AOX1: variants seen among roughly 807,000 people sequenced by gnomAD.
AOX1 encodes aldehyde oxidase.
Under a neutral mutation model 169.5 loss-of-function variants are expected in AOX1, and 153 were observed. The observed-to-expected ratio is 0.90, with a 90% confidence interval of 0.79 to 1.03. The LOEUF is 1.03. Among genes scored for constraint, AOX1 ranks in the 50% least tolerant of loss-of-function variants. The pLI is 0.00. For synonymous variants in AOX1, 562 were observed against 581.9 expected, an observed-to-expected ratio of 0.97 and a Z score of 0.49; for missense variants, 1,656 against 1,663.9, an observed-to-expected ratio of 1.00 and a Z score of 0.08.
At chr2:200,622,738 G>A (rs1451843706) in intron 18 of AOX1, among the ~76,000 whole-genome samples, 5 of 152,192 alleles carry the variant, frequency 3.3e-5, no homozygotes, top group African/African-American at 1.2e-4. Flanking sequence ...GGTCACAGGA[G>A]CAAAATCAGG....
intron 4 of AOX1, among the ~76,000 whole-genome samples, chr2:200,599,155 G>A (rs1430927899): frequency 1.3e-5 from 2 of 152,178 alleles, no homozygotes; most frequent in African/African-American, 4.8e-5. Flanking sequence ...AGAAATAAAA[G>A]CATTTTATTT....
At chr2:200,631,571 T>G (rs996199266) in intron 20 of AOX1, among the ~76,000 whole-genome samples, 2 of 152,158 alleles carry the variant, frequency 1.3e-5, no homozygotes, top group Non-Finnish European at 2.9e-5. Flanking sequence ...GGATAACATT[T>G]TATCTCAGGG....
At position 200,609,540 on chromosome 2, in the gene AOX1, T is replaced by C; in HGVS notation, c.1153+126T>C. On this transcript the variant is annotated intron_variant, in intron 12 of 34. Coordinates refer to ENST00000374700, the MANE Select transcript of AOX1 (RefSeq NM_001159.4). Reference sequence around the variant, plus strand: ...TAATATCAATACATTTCTCTGCTTTTCTGGATACTGGAAATTTTGTGAGTC... The same window carrying C: ...TAATATCAATACATTTCTCTGCTTTCCTGGATACTGGAAATTTTGTGAGTC... 3.9e-6 allele frequency: 3 copies of C among 761,132 alleles called. No homozygotes were observed. The South Asian group carries it at 5.3e-5, about 13-fold the overall frequency. The allele number at this position is 761,132 out of a possible 1,614,324, so 47.1% of individuals were successfully genotyped here. A position where few individuals can be genotyped will look rare whatever the true frequency, so the allele number is the denominator to read the frequency against.
intron 20 of AOX1, among the ~76,000 whole-genome samples, chr2:200,629,930 A>G (rs1047657568): frequency 1.3e-5 from 2 of 152,158 alleles, no homozygotes; most frequent in African/African-American, 4.8e-5. Flanking sequence ...CGGGAATATT[A>G]AAAAGGACAT....
intron 1 of AOX1, among the ~76,000 whole-genome samples, chr2:200,591,282 GT>G (rs914579136): frequency 2.7e-4 from 41 of 152,312 alleles, no homozygotes; most frequent in African/African-American, 9.4e-4. Flanking sequence ...TGTAAAAAGT[GT>G]CATAAAAGAA....
intron 14 of AOX1, 73 bp from the exon 15 acceptor site, chr2:200,613,731 G>T: frequency 7.1e-7 from 1 of 1,414,880 alleles, no homozygotes. Flanking sequence ...ATGGCTATTT[G>T]TCTTACCCAT....
In AOX1 at chr2:200,650,977, C is replaced by G. The variant is rs140878478; in HGVS notation, c.2851C>G (p.Arg951Gly). The change falls in exon 26 of 35, where the codon CGA (arginine) becomes GGA (glycine). Residue 951 changes from arginine (R) to glycine (G), a missense_variant. Transcript: ENST00000374700. ...AKCGLSPEKV[R>G]IINMYKEIDQ... ...TTAATCTCCTTTTCTTTCATAGGTG[C>G]GAATCATAAACATGTACAAGGAAAT... 6.2e-7 allele frequency: 1 copy of G among 1,613,808 alleles called. No homozygotes were observed. Among genetic ancestry groups the G allele is most frequent in the Non-Finnish European group, 8.5e-7 (1 of 1,179,816 alleles).
chr2:200,644,644 A>G (rs1412535279), intron 25 of AOX1, among the ~76,000 whole-genome samples: 1 of 152,222 alleles, frequency 6.6e-6, no homozygotes, highest in Non-Finnish European at 1.5e-5. Flanking sequence ...TTTTGGCAGT[A>G]TAGCCATTTT....
chr2:200,621,547 G>A (rs2034886334), intron 18 of AOX1, among the ~76,000 whole-genome samples: 1 of 152,012 alleles, frequency 6.6e-6, no homozygotes, highest in African/African-American at 2.4e-5. Flanking sequence ...AATTTTATAT[G>A]GAAATCCCTT....
At chr2:200,588,922 G>A (rs991042383) in intron 1 of AOX1, among the ~76,000 whole-genome samples, 1 of 151,664 alleles carries the variant, frequency 6.6e-6, no homozygotes, top group Non-Finnish European at 1.5e-5. Context: ...CCAAAGTGCT[G>A]GGATTACAGG....
In AOX1 at chr2:200,638,231, C is replaced by G; in HGVS notation, c.2497C>G (p.Arg833Gly). The G allele has an allele frequency of 1.2e-6, 2 of 1,613,488 alleles. No homozygotes were observed. The highest frequency in any genetic ancestry group is 2.2e-5 in the South Asian group (2 of 91,058). ...FAANKHGRAV[R>G]CVLERGEDML... ...CTGTTTTAGACATGGCCGTGCAGTT[C>G]GCTGTGTTCTGGAACGAGGAGAAGA... Residue 833 changes from arginine to glycine, a missense_variant, in exon 23 of 35, where the codon CGC (arginine) becomes GGC (glycine). Arg to Gly is a moderately radical substitution (Grantham distance 125). Coordinates refer to ENST00000374700, the MANE Select transcript of AOX1 (RefSeq NM_001159.4).
intron 11 of AOX1, 45 bp from the exon 12 acceptor site, chr2:200,609,275 CT>C: frequency 1.2e-6 from 2 of 1,600,538 alleles, no homozygotes; most frequent in Non-Finnish European, 1.7e-6. Context: ...TTAGCACTTG[CT>C]TTTTTATGAT....
At chr2:200,667,149 G>A (rs1444642791) in intron 32 of AOX1, among the ~76,000 whole-genome samples, 1 of 152,194 alleles carries the variant, frequency 6.6e-6, no homozygotes, top group South Asian at 2.1e-4. Flanking sequence ...AGCAGTAGCT[G>A]TTGGTAGGCA....
At chr2:200,587,125 A>G (rs982049112) in intron 1 of AOX1, among the ~76,000 whole-genome samples, 2 of 151,182 alleles carry the variant, frequency 1.3e-5, no homozygotes, top group African/African-American at 4.9e-5. Flanking sequence ...CAAACAAAAC[A>G]AAACAACAAC....
intron 1 of AOX1, among the ~76,000 whole-genome samples, chr2:200,590,250 A>G (rs2034140598): frequency 6.6e-6 from 1 of 152,134 alleles, no homozygotes; most frequent in South Asian, 2.1e-4. Flanking sequence ...CAGTACACAG[A>G]GAAAAGTGAT....
chr2:200,636,827 A>G, intron 21 of AOX1, 84 bp from the exon 22 acceptor site: 1 of 1,495,468 alleles, frequency 6.7e-7, no homozygotes, highest in South Asian at 1.3e-5. Flanking sequence ...TGTTGTTGTT[A>G]AAATCATAGA....
chr2:200,613,802 A>G lies in AOX1; in HGVS notation c.1449-2A>G. 2 of 1,610,538 alleles carry G rather than the reference A, an allele frequency of 1.2e-6. No individual in the cohort carries two copies. Among genetic ancestry groups the G allele is most frequent in the Non-Finnish European group, 1.7e-6 (2 of 1,178,982 alleles). Reference sequence around the variant, plus strand: ...TAGGAGTCTTCTCTTTGGACTTTCCAGGCACTGGAACGAACAGATGCTGGA... The same window carrying G: ...TAGGAGTCTTCTCTTTGGACTTTCCGGGCACTGGAACGAACAGATGCTGGA... On this transcript the variant is annotated splice_acceptor_variant, in intron 14 of 34. Transcript: ENST00000374700. LOFTEE classifies it high-confidence loss of function.
At chr2:200,604,630 G>T in intron 8 of AOX1, 66 bp from the exon 9 acceptor site, 1 of 1,535,420 alleles carries the variant, frequency 6.5e-7, no homozygotes, top group South Asian at 1.1e-5. Flanking sequence ...CAGTGCTAAT[G>T]ATTGAGTGGA....
chr2:200,599,342 G>T (rs2034354638), intron 4 of AOX1, among the ~76,000 whole-genome samples: 4 of 152,078 alleles, frequency 2.6e-5, no homozygotes. Context: ...TTGGTTTGTG[G>T]TGCTGTGTGG....
Sources: allele counts gnomAD v4.1 joint callset (sites outside exome capture counted in the v4.1 genomes callset), GRCh38; gene constraint gnomAD v4.1.1; transcripts MANE v1.5; gene names NCBI Gene and HGNC (gene_info 2026-07-23, HGNC 2026-07-21).